XPO4: variants seen among roughly 807,000 people sequenced by gnomAD.
XPO4 encodes the protein exportin-4.
In XPO4, 39 loss-of-function variants were observed where a neutral mutation model predicts 143.0. The ratio of observed to expected loss-of-function variants is 0.27; its 90% CI spans 0.21 to 0.36. The LOEUF (loss-of-function observed/expected upper bound fraction) is 0.36, where lower values mean the gene tolerates loss of function less well. XPO4 is among the 10% of genes least tolerant of loss of function. The probability of loss-of-function intolerance (pLI) is 1.00; values close to 1 mark genes in which losing one functional copy is unlikely to be tolerated. For missense variants in XPO4, 907 were observed against 1,348.0 expected (o/e 0.67, Z 5.12); for synonymous variants, 439 against 474.0 (o/e 0.93, Z 0.96).
chr13:20,892,523 T>C (rs1179769568), intron 1 of XPO4, among the ~76,000 whole-genome samples: 2 of 152,166 alleles, frequency 1.3e-5, no homozygotes, highest in Admixed American at 1.3e-4. Context: ...CAACAAATAT[T>C]ACTGAGCAAC....
In XPO4 at chr13:20,782,884, T is replaced by A. The variant is rs1257793503; in HGVS notation, c.*838A>T. 2 of 152,590 alleles carry A rather than the reference T, an allele frequency of 1.3e-5. No homozygotes were observed. Among genetic ancestry groups the A allele is most frequent in the Non-Finnish European group, 2.9e-5 (2 of 68,032 alleles). 9.5% of individuals were successfully genotyped at this position (152,590 alleles called of 1,614,324 possible). On this transcript the variant is annotated 3_prime_UTR_variant, in exon 23 of 23. Coordinates refer to ENST00000255305, the MANE Select transcript of XPO4 (RefSeq NM_022459.5). ...TATTTTTACGGAACAAAAATATACA[T>A]GTATTTTCCTCCTCAAGTTCAGGCA...
Position 20,799,790 on chromosome 13 carries a change from T to C in XPO4, c.2147+366A>G, listed in dbSNP as rs8000126. 4.4e-3 allele frequency among the ~76,000 whole-genome samples: 671 copies of C among 152,336 alleles called. 7 individuals are homozygous for C. Among genetic ancestry groups the C allele is most frequent in the African/African-American group, 0.015 (630 of 41,560 alleles). On this transcript the variant is annotated intron_variant, in intron 15 of 22. Coordinates refer to ENST00000255305, the MANE Select transcript of XPO4 (RefSeq NM_022459.5). ...GTAGAAAGCACTAAAAATTTTACTT[T>C]CCAACATTAAATTTTAAATATCAGT... is the stretch of plus-strand genomic sequence containing the variant.
intron 6 of XPO4, 116 bp downstream of exon 6, chr13:20,842,779 A>C: frequency 1.0e-6 from 1 of 959,546 alleles, no homozygotes; most frequent in Non-Finnish European, 1.5e-6. Flanking sequence ...CTTAAAAAAA[A>C]TCTTATTTTC....
chr13:20,788,687 ATAAAG>A (rs2059239198), intron 19 of XPO4, 71 bp from the exon 20 acceptor site: 2 of 1,369,360 alleles, frequency 1.5e-6, no homozygotes, highest in African/African-American at 1.5e-5. Flanking sequence ...ATGCAATAAA[ATAAAG>A]TAACTGACAA....
At chr13:20,786,153 C>T (rs1435832274) in intron 22 of XPO4, among the ~76,000 whole-genome samples, 1 of 152,020 alleles carries the variant, frequency 6.6e-6, no homozygotes, top group Non-Finnish European at 1.5e-5. Context: ...CCCAGGGCAC[C>T]TTCAGCTTAG....
rs747915359 is a variant in XPO4, at chr13:20,808,478, C to G, written c.1597G>C (p.Asp533His). The G allele has an allele frequency of 4.0e-5, 63 of 1,573,510 alleles. No individual in the cohort carries two copies. The highest frequency in any genetic ancestry group is 5.4e-5 in the Non-Finnish European group (62 of 1,149,996). Residue 533 changes from aspartate (D) to histidine (H), a missense_variant, in exon 12 of 23, where the codon GAT (aspartate) becomes CAT (histidine). By Grantham distance (81) the Asp-to-His change is moderately conservative (BLOSUM62 -1). Coordinates refer to ENST00000255305, the MANE Select transcript of XPO4 (RefSeq NM_022459.5). ...GSSTVDNKML[D>H]DLYEDIHWLI... ...CAGTGAATATCTTCATAGAGATCAT[C>G]AAGCATTTTGTTGTCAACAGTGCTT...
intron 3 of XPO4, among the ~76,000 whole-genome samples, chr13:20,858,922 G>GTGTA (rs1469795977): frequency 3.4e-5 from 5 of 148,724 alleles, no homozygotes; most frequent in African/African-American, 9.9e-5. Flanking sequence ...ATGTGTGTGT[G>GTGTA]TATATATATA....
chr13:20,824,727 G>T (rs1190626855), intron 7 of XPO4, among the ~76,000 whole-genome samples: 1 of 152,116 alleles, frequency 6.6e-6, no homozygotes, highest in African/African-American at 2.4e-5. Context: ...TATGGAAAAG[G>T]GACAGAGGGA....
intron 13 of XPO4, among the ~76,000 whole-genome samples, chr13:20,804,936 G>GT (rs937420884): frequency 2.8e-5 from 4 of 145,038 alleles, no homozygotes; most frequent in South Asian, 2.3e-4. Context: ...TTACTCTCGG[G>GT]TTTTTTTGCA....
At chr13:20,785,726 T>C (rs1033754243) in intron 22 of XPO4, among the ~76,000 whole-genome samples, 2 of 150,672 alleles carry the variant, frequency 1.3e-5, no homozygotes, top group African/African-American at 4.9e-5. Context: ...AGTATCATAC[T>C]GGCCATTCCT....
chr13:20,839,117 A>C (rs2059947776), intron 6 of XPO4, among the ~76,000 whole-genome samples: 1 of 152,082 alleles, frequency 6.6e-6, no homozygotes, highest in South Asian at 2.1e-4. Context: ...ATACAAAACT[A>C]GCAGGGCGTA....
chr13:20,867,836 CA>C (rs1185845065), intron 2 of XPO4, among the ~76,000 whole-genome samples: 1 of 152,070 alleles, frequency 6.6e-6, no homozygotes, highest in Non-Finnish European at 1.5e-5. Flanking sequence ...TAGAGCCTTA[CA>C]AAAGATGGCT....
chr13:20,785,792 A>G (rs2059193136), intron 22 of XPO4, among the ~76,000 whole-genome samples: 1 of 150,548 alleles, frequency 6.6e-6, no homozygotes, highest in African/African-American at 2.4e-5. Context: ...GAGAGAGAGA[A>G]ATAAAGGAAG....
chr13:20,869,638 TA>T, intron 1 of XPO4: 2 of 759,102 alleles, frequency 2.6e-6, no homozygotes, highest in African/African-American at 1.9e-5. Flanking sequence ...CATTAGTCAC[TA>T]ATTTCAGTCA....
At chr13:20,857,954 C>T (rs1309519184) in intron 3 of XPO4, 2 of 985,016 alleles carry the variant, frequency 2.0e-6, no homozygotes, top group Admixed American at 6.2e-5. Flanking sequence ...GGGAAGTACA[C>T]ATTATTTATG....
intron 1 of XPO4, among the ~76,000 whole-genome samples, chr13:20,881,747 T>C (rs1259240655): frequency 1.3e-5 from 2 of 152,188 alleles, no homozygotes; most frequent in African/African-American, 2.4e-5. Context: ...CTTGTGTTAA[T>C]ATACTTCAAT....
At chr13:20,825,690 A>G (rs527536046) in intron 7 of XPO4, among the ~76,000 whole-genome samples, 1 of 152,286 alleles carries the variant, frequency 6.6e-6, no homozygotes, top group African/African-American at 2.4e-5. Flanking sequence ...GCATAATACA[A>G]AGACTTGGAC....
At position 20,855,654 on chromosome 13, in the gene XPO4, C is replaced by T. The variant is rs1383640553; in HGVS notation, c.429G>A (p.Gln143=). 6.2e-6 allele frequency: 10 copies of T among 1,609,926 alleles called. No individual in the cohort carries two copies. The highest frequency in any genetic ancestry group is 8.5e-6 in the Non-Finnish European group (10 of 1,179,116). ...CAGTGGGATTGCCACTACTAATCAACTGGCTGACTTCATGAAAAATGCTTT... is the reference window on the plus strand; with the variant it reads ...CAGTGGGATTGCCACTACTAATCAATTGGCTGACTTCATGAAAAATGCTTT... ...DCKSIFHEVS[Q]LISSGNPTVQ... is the part of the protein sequence containing the mutation. The change falls in exon 4 of 23, where the codon CAG becomes CAA. Residue 143 remains glutamine (Q), a synonymous_variant. Transcript: ENST00000255305.
chr13:20,791,441 T>C (rs1198861478), intron 18 of XPO4, among the ~76,000 whole-genome samples: 1 of 152,118 alleles, frequency 6.6e-6, no homozygotes, highest in Non-Finnish European at 1.5e-5. Flanking sequence ...TCACCATTTA[T>C]AAGAGGAAAA....
Sources: allele counts gnomAD v4.1 joint callset (sites outside exome capture counted in the v4.1 genomes callset), GRCh38; gene constraint gnomAD v4.1.1; transcripts MANE v1.5; gene names NCBI Gene and HGNC (gene_info 2026-07-23, HGNC 2026-07-21).